ODAD2: variants seen among roughly 807,000 people sequenced by gnomAD.
The protein encoded by ODAD2 is outer dynein arm-docking complex subunit 2.
In ODAD2, 89 loss-of-function variants were observed where a neutral mutation model predicts 106.8. The ratio of observed to expected loss-of-function variants is 0.83; its 90% CI spans 0.70 to 0.99. ODAD2 has a LOEUF of 0.99. Among genes scored for constraint, ODAD2 ranks in the 50% least tolerant of loss-of-function variants. The pLI, the probability that ODAD2 is intolerant of heterozygous loss-of-function variation, is 0.00. For synonymous variants in ODAD2, 404 were observed against 436.2 expected, an observed-to-expected ratio of 0.93 and a Z score of 0.92; for missense variants, 1,168 against 1,238.5, an observed-to-expected ratio of 0.94 and a Z score of 0.85.
chr10:27,949,607 C>T (rs375891032), intron 10 of ODAD2, among the ~76,000 whole-genome samples: 12 of 152,138 alleles, frequency 7.9e-5, no homozygotes, highest in African/African-American at 2.9e-4. Flanking sequence ...AGGGTGGGAG[C>T]GTGGTGCAAG....
intron 10 of ODAD2, chr10:27,957,591 G>A (rs1337193958): frequency 2.0e-5 from 3 of 152,176 alleles, no homozygotes; most frequent in Non-Finnish European, 4.4e-5. Context: ...ACCTATGGGG[G>A]AGAAAAGAAG....
chr10:27,922,758 T>A (rs1415104787), intron 16 of ODAD2, among the ~76,000 whole-genome samples: 1 of 151,804 alleles, frequency 6.6e-6, no homozygotes, highest in African/African-American at 2.4e-5. Context: ...ATACAAAAAT[T>A]AGCTAGGCAT....
At chr10:27,898,613 G>T (rs1194261587) in intron 17 of ODAD2, among the ~76,000 whole-genome samples, 4 of 151,934 alleles carry the variant, frequency 2.6e-5, no homozygotes, top group Non-Finnish European at 4.4e-5. Context: ...TCCCCAGTTG[G>T]CTTATTTCTT....
chr10:27,846,474 A>G (rs1344034503), intron 19 of ODAD2, among the ~76,000 whole-genome samples: 2 of 152,012 alleles, frequency 1.3e-5, no homozygotes, highest in African/African-American at 4.8e-5. Context: ...GAAAGCAGGA[A>G]AGATCTAAAA....
intron 17 of ODAD2, among the ~76,000 whole-genome samples, chr10:27,875,147 C>T (rs533651734): frequency 7.9e-5 from 12 of 152,296 alleles, no homozygotes; most frequent in Non-Finnish European, 1.2e-4. Context: ...TTGATTGAAT[C>T]GGCTACTAAA....
chr10:27,909,100 C>T lies in ODAD2; in HGVS notation c.2496-1323G>A, dbSNP rs559288714. 1.4e-4 allele frequency among the ~76,000 whole-genome samples: 21 copies of T among 152,268 alleles called. No individual in the cohort carries two copies. In the South Asian group the frequency reaches 4.1e-3, roughly 30 times the overall value. On this transcript the variant is annotated intron_variant, in intron 16 of 19. Transcript: ENST00000305242. ...AATTTAAATTGAAAAGTCATACTGC[C>T]TTCCATATGCTACTTAAAATATAAC...
At chr10:27,903,663 A>G (rs1843373054) in intron 17 of ODAD2, among the ~76,000 whole-genome samples, 1 of 152,226 alleles carries the variant, frequency 6.6e-6, no homozygotes, top group Admixed American at 6.5e-5. Context: ...TAATAGACAA[A>G]GAGAGAGCCA....
At chr10:27,836,816 T>C (rs983255009) in intron 19 of ODAD2, among the ~76,000 whole-genome samples, 1 of 152,226 alleles carries the variant, frequency 6.6e-6, no homozygotes, top group Non-Finnish European at 1.5e-5. Flanking sequence ...GTTAATCAAT[T>C]GTTAATTTCA....
intron 16 of ODAD2, among the ~76,000 whole-genome samples, chr10:27,911,683 A>G (rs532922917): frequency 3.3e-5 from 5 of 152,192 alleles, no homozygotes; most frequent in Non-Finnish European, 7.3e-5. Context: ...GGTCTACAAC[A>G]AAACCTCTTT....
intron 16 of ODAD2, among the ~76,000 whole-genome samples, chr10:27,923,945 TGAAAGAAAGAAAGAAAGAAA>T (rs747193046): frequency 0.019 from 887 of 45,948 alleles, 17 homozygotes; most frequent in African/African-American, 0.032. Flanking sequence ...CCCTGTCTAA[TGAAAGAAAGAAAGAAAGAAA>T]GAAAGAAAGA....
At chr10:27,848,468 C>T (rs887202466) in intron 19 of ODAD2, among the ~76,000 whole-genome samples, 1 of 152,146 alleles carries the variant, frequency 6.6e-6, no homozygotes, top group Non-Finnish European at 1.5e-5. Flanking sequence ...AGAGGAAAAC[C>T]TAGGCAATAC....
chr10:27,928,441 C>T (rs978880976), intron 16 of ODAD2, among the ~76,000 whole-genome samples: 5 of 152,092 alleles, frequency 3.3e-5, no homozygotes, highest in African/African-American at 1.2e-4. Context: ...AACAAGGTTT[C>T]CTGTCTCTAT....
chr10:27,959,502 G>A (rs1026085703), intron 10 of ODAD2, among the ~76,000 whole-genome samples: 31 of 152,054 alleles, frequency 2.0e-4, no homozygotes, highest in African/African-American at 6.8e-4. Context: ...CCAAAGCTGG[G>A]CATGGTCACC....
At chr10:27,848,497 G>C (rs1364294039) in intron 19 of ODAD2, among the ~76,000 whole-genome samples, 1 of 151,668 alleles carries the variant, frequency 6.6e-6, no homozygotes, top group African/African-American at 2.4e-5. Flanking sequence ...ACATAGGCAT[G>C]GGCAAGGACT....
chr10:27,987,453 C>T lies in ODAD2; in HGVS notation c.315G>A (p.Gly105=), dbSNP rs1469431572. ...SVPQIKIRSF[G]QLSRLLLIAK... is the part of the protein sequence containing the mutation. ...CAATAAGTAACAAGCGTGACAGCTGCCCAAAGCTCCTAATTTTAATTTGTG... is the reference window on the plus strand; with the variant it reads ...CAATAAGTAACAAGCGTGACAGCTGTCCAAAGCTCCTAATTTTAATTTGTG... Residue 105 remains glycine (G), a synonymous_variant, in exon 3 of 20, where the codon GGG becomes GGA. Coordinates refer to ENST00000305242, the MANE Select transcript of ODAD2 (RefSeq NM_018076.5). 6.2e-7 allele frequency: 1 copy of T among 1,613,904 alleles called. No individual in the cohort carries two copies. Among genetic ancestry groups the T allele is most frequent in the Non-Finnish European group, 8.5e-7 (1 of 1,179,896 alleles).
chr10:27,991,638 G>A (rs1445118468), intron 2 of ODAD2, among the ~76,000 whole-genome samples: 1 of 151,956 alleles, frequency 6.6e-6, no homozygotes, highest in African/African-American at 2.4e-5. Context: ...TATCTACTTC[G>A]GCAGAATTTC....
At chr10:27,925,601 TC>T (rs1845200123) in intron 16 of ODAD2, among the ~76,000 whole-genome samples, 1 of 152,144 alleles carries the variant, frequency 6.6e-6, no homozygotes, top group Non-Finnish European at 1.5e-5. Context: ...CAAGTGATCC[TC>T]CTGCCTTGGC....
At chr10:27,981,441 G>T in intron 7 of ODAD2, 25 bp downstream of exon 7, 1 of 1,468,750 alleles carries the variant, frequency 6.8e-7, no homozygotes, top group Non-Finnish European at 9.0e-7. Flanking sequence ...TGCTATGAAA[G>T]CTCAAAAGAA....
At chr10:27,851,528 G>A (rs899560176) in intron 19 of ODAD2, among the ~76,000 whole-genome samples, 6 of 151,680 alleles carry the variant, frequency 4.0e-5, no homozygotes, top group African/African-American at 1.2e-4. Flanking sequence ...ATGAAACGTC[G>A]ATAGTATTGC....
Sources: gnomAD v4.1 joint callset for allele counts (sites outside exome capture counted in the v4.1 genomes callset) on GRCh38, gnomAD v4.1.1 for gene constraint, MANE v1.5 for transcripts, NCBI Gene and HGNC (gene_info 2026-07-23, HGNC 2026-07-21) for gene names.